The following CA10 variants were observed in gnomAD, a reference collection of about 807,000 sequenced individuals.
CA10 encodes carbonic anhydrase-related protein 10.
In CA10, 14 loss-of-function variants were observed where a neutral mutation model predicts 44.2. The ratio of observed to expected loss-of-function variants is 0.32; its 90% CI spans 0.21 to 0.50. The LOEUF (loss-of-function observed/expected upper bound fraction) is 0.50, where lower values mean the gene tolerates loss of function less well. CA10 is among the 20% of genes least tolerant of loss of function. The pLI, the probability that CA10 is intolerant of heterozygous loss-of-function variation, is 0.99. For missense variants in CA10, 350 were observed against 409.7 expected (o/e 0.85, Z 1.26); for synonymous variants, 159 against 141.6 (o/e 1.12, Z -0.87).
chr17:51,984,757 C>T (rs940566038), intron 2 of CA10, among the ~76,000 whole-genome samples: 7 of 151,868 alleles, frequency 4.6e-5, no homozygotes, highest in African/African-American at 1.7e-4. Context: ...ACTAGAAAAC[C>T]TAGATGAGAT....
chr17:51,697,252 G>A (rs1415401147), intron 4 of CA10, among the ~76,000 whole-genome samples: 2 of 152,146 alleles, frequency 1.3e-5, no homozygotes, highest in Non-Finnish European at 2.9e-5. Context: ...TAAACATAAA[G>A]CTCTACCTGA....
intron 2 of CA10, among the ~76,000 whole-genome samples, chr17:52,012,495 T>C (rs1985831183): frequency 6.6e-6 from 1 of 152,118 alleles, no homozygotes; most frequent in Middle Eastern, 3.4e-3. Context: ...TATGCAAAGG[T>C]CAAAGTTTAT....
intron 4 of CA10, among the ~76,000 whole-genome samples, chr17:51,735,746 C>A (rs1250364710): frequency 6.6e-6 from 1 of 151,832 alleles, no homozygotes; most frequent in East Asian, 1.9e-4. Context: ...TGATGGTCAT[C>A]CAAATCTATA....
intron 1 of CA10, among the ~76,000 whole-genome samples, chr17:52,091,046 T>A (rs879856263): frequency 7.9e-5 from 12 of 152,108 alleles, no homozygotes; most frequent in Non-Finnish European, 1.8e-4. Flanking sequence ...AAATATTAAA[T>A]AATGTTTTTT....
At chr17:51,675,113 C>T (rs898714065) in intron 4 of CA10, among the ~76,000 whole-genome samples, 3 of 152,178 alleles carry the variant, frequency 2.0e-5, no homozygotes, top group African/African-American at 7.2e-5. Context: ...GGTAAGAAAG[C>T]GTAGTTTTGC....
chr17:52,006,953 A>G (rs1349045395), intron 2 of CA10, among the ~76,000 whole-genome samples: 1 of 151,634 alleles, frequency 6.6e-6, no homozygotes, highest in Non-Finnish European at 1.5e-5. Flanking sequence ...GCACGTTATA[A>G]TTTTTTGATT....
chr17:51,971,081 A>G (rs1056752034), intron 2 of CA10, among the ~76,000 whole-genome samples: 2 of 152,120 alleles, frequency 1.3e-5, no homozygotes, highest in African/African-American at 4.8e-5. Context: ...ATTCCAGATC[A>G]GACTTTTGAC....
At chr17:52,048,447 C>T (rs1003231302) in intron 2 of CA10, among the ~76,000 whole-genome samples, 1 of 152,014 alleles carries the variant, frequency 6.6e-6, no homozygotes, top group Non-Finnish European at 1.5e-5. Context: ...AAATTACTTG[C>T]CCTCTAGGAC....
chr17:51,743,676 G>T (rs1364656276), intron 4 of CA10, among the ~76,000 whole-genome samples: 1 of 152,184 alleles, frequency 6.6e-6, no homozygotes, highest in East Asian at 1.9e-4. Flanking sequence ...CAAGGAAAAT[G>T]CCTGGCATTA....
At chr17:51,809,076 C>T (rs1321427060) in intron 3 of CA10, among the ~76,000 whole-genome samples, 1 of 149,584 alleles carries the variant, frequency 6.7e-6, no homozygotes, top group East Asian at 1.9e-4. Context: ...CTTCTCATAG[C>T]ACTATGAGAC....
intron 2 of CA10, among the ~76,000 whole-genome samples, chr17:52,067,511 G>A (rs142952755): frequency 7.9e-5 from 12 of 152,328 alleles, no homozygotes; most frequent in Admixed American, 3.3e-4. Flanking sequence ...TGCGGGGTGC[G>A]AACTCCTACA....
At chr17:51,999,447 GAAGT>G (rs1985347550) in intron 2 of CA10, among the ~76,000 whole-genome samples, 3 of 152,084 alleles carry the variant, frequency 2.0e-5, no homozygotes, top group Non-Finnish European at 4.4e-5. Context: ...CTGGAAGGCA[GAAGT>G]AAGGTGTCAG....
intron 2 of CA10, among the ~76,000 whole-genome samples, chr17:51,952,586 A>T (rs771738756): frequency 6.6e-6 from 1 of 152,146 alleles, no homozygotes; most frequent in Non-Finnish European, 1.5e-5. Flanking sequence ...AAAGAAGATC[A>T]ATAAATTTGG....
intron 4 of CA10, among the ~76,000 whole-genome samples, chr17:51,686,197 C>T (rs556030606): frequency 1.5e-3 from 227 of 152,210 alleles, no homozygotes; most frequent in African/African-American, 5.3e-3. Context: ...TGCTTGTCAC[C>T]GTGTAAGACG....
chr17:51,783,000 A>G (rs563620239), intron 3 of CA10, among the ~76,000 whole-genome samples: 112 of 152,336 alleles, frequency 7.4e-4, no homozygotes, highest in African/African-American at 2.5e-3. Flanking sequence ...TTTGCATAAG[A>G]CAGCCAGAGT....
chr17:51,943,674 T>C lies in CA10; in HGVS notation c.137-12542A>G, dbSNP rs1230898921. 2.6e-5 allele frequency among the ~76,000 whole-genome samples: 4 copies of C among 152,320 alleles called. No individual in the cohort carries two copies. The East Asian group carries it at 7.7e-4, about 29-fold the overall frequency. ...CTGGGACTCAAACCAGAGACTCTGA[T>C]TAAATAAGTCTATGGCGGGATCCAG... is the stretch of plus-strand genomic sequence containing the variant. On this transcript the variant is annotated intron_variant, in intron 2 of 8. Coordinates refer to ENST00000451037, the MANE Select transcript of CA10 (RefSeq NM_020178.5).
chr17:52,040,144 TC>T (rs375163985), intron 2 of CA10, among the ~76,000 whole-genome samples: 5 of 115,414 alleles, frequency 4.3e-5, no homozygotes, highest in Non-Finnish European at 9.1e-5. Context: ...TTCTTTTTTT[TC>T]TTTTTTTTTT....
intron 2 of CA10, among the ~76,000 whole-genome samples, chr17:51,933,113 G>A (rs1982730726): frequency 6.6e-6 from 1 of 152,128 alleles, no homozygotes; most frequent in African/African-American, 2.4e-5. Context: ...GTGTCCCTTG[G>A]ACCTTCTTCA....
intron 3 of CA10, among the ~76,000 whole-genome samples, chr17:51,800,948 C>A (rs1056204079): frequency 1.3e-5 from 2 of 152,154 alleles, no homozygotes; most frequent in South Asian, 4.1e-4. Flanking sequence ...CTGGTCCTAC[C>A]TGGTGCTCTG....
Sources: gnomAD v4.1 joint callset for allele counts (sites outside exome capture counted in the v4.1 genomes callset) on GRCh38, gnomAD v4.1.1 for gene constraint, MANE v1.5 for transcripts, NCBI Gene and HGNC (gene_info 2026-07-23, HGNC 2026-07-21) for gene names.